The following ACTN3 variants were observed in gnomAD, a reference collection of about 807,000 sequenced individuals.
The protein encoded by ACTN3 is actinin alpha 3.
ACTN3 carries 91 observed loss-of-function variants against 119.6 expected under a neutral mutation model. That is an observed-to-expected ratio of 0.76 (90% confidence interval 0.64 to 0.91). The LOEUF (loss-of-function observed/expected upper bound fraction) is 0.91. ACTN3 is among the 40% of genes least tolerant of loss of function. The pLI is 0.00. For synonymous variants in ACTN3, 456 were observed against 478.8 expected, an observed-to-expected ratio of 0.95 and a Z score of 0.62; for missense variants, 1,221 against 1,215.1, an observed-to-expected ratio of 1.00 and a Z score of -0.07.
intron 16 of ACTN3, 32 bp downstream of exon 16, chr11:66,561,393 G>T (rs756273626): frequency 1.1e-5 from 18 of 1,607,280 alleles, no homozygotes; most frequent in Non-Finnish European, 1.4e-5. Flanking sequence ...CCAACCTGGG[G>T]GGATGGGGCC....
chr11:66,554,471 A>G, intron 4 of ACTN3, 65 bp from the exon 5 acceptor site: 2 of 1,268,044 alleles, frequency 1.6e-6, no homozygotes, highest in Non-Finnish European at 2.2e-6. Context: ...AAAAAAAAAA[A>G]AGAAGTGTGA....
chr11:66,562,705 A>G, intron 19 of ACTN3, 91 bp from the exon 20 acceptor site: 3 of 1,401,786 alleles, frequency 2.1e-6, no homozygotes, highest in Non-Finnish European at 2.9e-6. Context: ...GGGCTCTGCT[A>G]GCTGAGGTTG....
At chr11:66,557,448 G>A (rs529264586) in intron 9 of ACTN3, among the ~76,000 whole-genome samples, 7 of 152,178 alleles carry the variant, frequency 4.6e-5, no homozygotes, top group African/African-American at 1.2e-4. Flanking sequence ...CTTCTGCATC[G>A]ATCCATTCAC....
chr11:66,559,420 C>A (rs773219511), intron 12 of ACTN3, 34 bp downstream of exon 12: 2 of 1,432,226 alleles, frequency 1.4e-6, no homozygotes, highest in Non-Finnish European at 1.8e-6. Context: ...GCCCCCAACA[C>A]CCCCGGCCCC....
Position 66,557,071 on chromosome 11 carries a change from T to C in ACTN3, c.805-62T>C, listed in dbSNP as rs1007820221. 7 of 1,432,332 alleles carry C rather than the reference T, an allele frequency of 4.9e-6. No homozygotes were observed. In the African/African-American group the frequency reaches 8.6e-5, roughly 18 times the overall value. 88.7% of individuals were successfully genotyped at this position (1,432,332 alleles called of 1,614,324 possible). ...CCACCGCGCTCGGCGGGGCTCTGGG[T>C]TTTAAGGGCTTTACAGAAGCAATTT... On this transcript the variant is annotated intron_variant, in intron 8 of 20. Coordinates refer to ENST00000513398, the MANE Select transcript of ACTN3 (RefSeq NM_001104.4).
At position 66,562,042 on chromosome 11, in the gene ACTN3, G is replaced by A. The variant is rs1857785856; in HGVS notation, c.2196G>A (p.Glu732=). The A allele has an allele frequency of 6.2e-7, 1 of 1,612,122 alleles. No homozygotes were observed. Among genetic ancestry groups the A allele is most frequent in the Non-Finnish European group, 8.5e-7 (1 of 1,179,232 alleles). The stretch of plus-strand genomic sequence containing the variant: ...GCCAGCACATCCGCGTGGGCTGGGA[G>A]CAGCTGCTCACCTCCATTGCCCGCA... ...YSMEHIRVGW[E]QLLTSIARTI... is the part of the protein sequence containing the mutation. The change falls in exon 18 of 21, where the codon GAG becomes GAA. Residue 732 remains glutamate, a synonymous_variant. Coordinates refer to ENST00000513398, the MANE Select transcript of ACTN3 (RefSeq NM_001104.4).
chr11:66,555,255 C>G (rs373559300), intron 6 of ACTN3, 31 bp from the exon 7 acceptor site: 1 of 1,614,030 alleles, frequency 6.2e-7, no homozygotes, highest in South Asian at 1.1e-5. Flanking sequence ...CTGCAGCTGA[C>G]CTTTCACCCT....
Position 66,561,277 on chromosome 11 carries a change from A to G in ACTN3, c.1911A>G (p.Ala637=). 1 of 1,604,966 alleles carries G rather than the reference A, an allele frequency of 6.2e-7. No individual in the cohort carries two copies. The highest frequency in any genetic ancestry group is 8.5e-7 in the Non-Finnish European group (1 of 1,176,860). ...ACCAGACACTGCAGGAGGAGCTGGC[A>G]CGGCAGCAGGTAAACGAGAGGCTCC... is the stretch of plus-strand genomic sequence containing the variant. ...SCDQTLQEEL[A]RQQVNERLRR... is the part of the protein sequence containing the mutation. The change falls in exon 16 of 21, where the codon GCA becomes GCG. Residue 637 remains alanine, a synonymous_variant. Coordinates refer to ENST00000513398, the MANE Select transcript of ACTN3 (RefSeq NM_001104.4).
intron 3 of ACTN3, among the ~76,000 whole-genome samples, chr11:66,552,242 T>A (rs1485728998): frequency 6.6e-6 from 1 of 151,416 alleles, no homozygotes; most frequent in Non-Finnish European, 1.5e-5. Flanking sequence ...TGGCGGCGCG[T>A]GGCTGTAATC....
intron 8 of ACTN3, 145 bp from the exon 9 acceptor site, chr11:66,556,988 C>T: frequency 1.6e-6 from 1 of 623,914 alleles, no homozygotes; most frequent in Non-Finnish European, 2.8e-6. Flanking sequence ...GTTTCGATCT[C>T]CTGACCTCGT....
intron 7 of ACTN3, among the ~76,000 whole-genome samples, chr11:66,555,664 G>A (rs1404106440): frequency 1.3e-5 from 2 of 152,228 alleles, no homozygotes; most frequent in Non-Finnish European, 2.9e-5. Context: ...CTCCCCTGGG[G>A]CACGTCCTGC....
At chr11:66,555,435 C>A in intron 7 of ACTN3, 68 bp downstream of exon 7, 1 of 1,512,176 alleles carries the variant, frequency 6.6e-7, no homozygotes, top group Non-Finnish European at 9.2e-7. Flanking sequence ...ACCTCCACAC[C>A]TTTGCACGGC....
rs1857715709 is a variant in ACTN3, at chr11:66,560,151, A to G, written c.1537-20A>G. On this transcript the variant is annotated intron_variant, in intron 13 of 20. Coordinates refer to ENST00000513398, the MANE Select transcript of ACTN3 (RefSeq NM_001104.4). ...GGTCTGCAGGGCAGGCTTCTGACCC[A>G]CTACGCCTCCCACCTCTAGCGGATG... is the stretch of plus-strand genomic sequence containing the variant. 1 of 1,584,236 alleles carries G rather than the reference A, an allele frequency of 6.3e-7. No individual in the cohort carries two copies. The highest frequency in any genetic ancestry group is 1.3e-5 in the African/African-American group (1 of 74,408).
At chr11:66,559,564 G>A (rs1281580413) in intron 12 of ACTN3, 178 bp downstream of exon 12, 3 of 122,306 alleles carry the variant, frequency 2.5e-5, no homozygotes, top group African/African-American at 9.8e-5. Context: ...CCCCACCTCC[G>A]GACCCCGCTC....
rs564902238 is a variant in ACTN3, at chr11:66,552,851, G to GTCTCTC, written c.383-1169_383-1164dup. Reference sequence around the variant, plus strand: ...CAGCCTGGGTGACAAGAGAGACTCTGTCTCTCTCTCTCTCTCTCTCTCTCT... The same window carrying GTCTCTC: ...CAGCCTGGGTGACAAGAGAGACTCTGTCTCTCTCTCTCTCTCTCTCTCTCTCTCTCT... On this transcript the variant is annotated intron_variant, in intron 3 of 20. Coordinates refer to ENST00000513398, the MANE Select transcript of ACTN3 (RefSeq NM_001104.4). 2.3e-3 allele frequency among the ~76,000 whole-genome samples: 296 copies of GTCTCTC among 131,330 alleles called. 1 individual carries two copies. The highest frequency in any genetic ancestry group is 4.0e-3 in the Middle Eastern group (1 of 250). The allele number at this position is 131,330 out of a possible 152,430, so 86.2% of individuals were successfully genotyped here.
intron 15 of ACTN3, 84 bp from the exon 16 acceptor site, chr11:66,561,143 A>G: frequency 6.9e-7 from 1 of 1,440,438 alleles, no homozygotes; most frequent in Non-Finnish European, 9.2e-7. Context: ...ACAGGGGCTG[A>G]GGTTTGAGGG....
Position 66,561,586 on chromosome 11 carries a change from G to C in ACTN3, c.2124G>C (p.Leu708=), listed in dbSNP as rs767392434. 4.5e-5 allele frequency: 73 copies of C among 1,612,980 alleles called. No homozygotes were observed. The highest frequency in any genetic ancestry group is 2.2e-4 in the East Asian group (10 of 44,854). Residue 708 remains leucine, a synonymous_variant, in exon 17 of 21, where the codon CTG becomes CTC. Coordinates refer to ENST00000513398, the MANE Select transcript of ACTN3 (RefSeq NM_001104.4). Reference sequence around the variant, plus strand: ...ACCGGCTGGAGGGTGACCACCAGCTGCTGCAGGAGAGCCTGGTGTTCGACA... The same window carrying C: ...ACCGGCTGGAGGGTGACCACCAGCTCCTGCAGGAGAGCCTGGTGTTCGACA... ...NIDRLEGDHQ[L]LQESLVFDNK...
At chr11:66,561,663 T>C (rs1565309806) in intron 17 of ACTN3, 26 bp downstream of exon 17, 1 of 1,597,908 alleles carries the variant, frequency 6.3e-7, no homozygotes, top group East Asian at 2.3e-5. Context: ...CTCAGGAGAG[T>C]GGGGAGGCAG....
Position 66,560,279 on chromosome 11 carries a change from G to C in ACTN3, c.1645G>C (p.Val549Leu). 1.2e-6 allele frequency: 2 copies of C among 1,613,304 alleles called. No homozygotes were observed. Among genetic ancestry groups the C allele is most frequent in the Non-Finnish European group, 1.7e-6 (2 of 1,179,686 alleles). The stretch of plus-strand genomic sequence containing the variant: ...TGGTGCCGTGGAGGACCTGCAGGAC[G>C]TGTGGCTGGTACACTCTGTGGAGGA... ...LDGAVEDLQD[V>L]WLVHSVEETQ... The change falls in exon 14 of 21, where the codon GTG (valine) becomes CTG (leucine). Residue 549 changes from valine (V) to leucine (L), a missense_variant. Physicochemically the swap from Val to Leu is conservative, Grantham distance 32. This residue lies in a region of ACTN3 where 934 missense variants were observed against 899.9 expected (regional missense o/e 1.04). Coordinates refer to ENST00000513398, the MANE Select transcript of ACTN3 (RefSeq NM_001104.4).
Sources: allele counts gnomAD v4.1 joint callset (sites outside exome capture counted in the v4.1 genomes callset), GRCh38; gene constraint gnomAD v4.1.1; regional missense constraint gnomAD v4.1.1; transcripts MANE v1.5; gene names NCBI Gene and HGNC (gene_info 2026-07-23, HGNC 2026-07-21).